Variants in DDO observed in about 807,000 individuals in gnomAD.
DDO encodes the protein D-aspartate oxidase.
DDO carries 16 observed loss-of-function variants against 16.8 expected under a neutral mutation model. That is an observed-to-expected ratio of 0.95 (90% confidence interval 0.65 to 1.45). DDO has a LOEUF of 1.45. DDO is among the 40% of genes most tolerant of loss of function. The probability of loss-of-function intolerance (pLI) is 0.00; values close to 1 mark genes in which losing one functional copy is unlikely to be tolerated. For missense variants in DDO, 429 were observed against 420.3 expected, an observed-to-expected ratio of 1.02 and a Z score of -0.18; for synonymous variants, 180 against 167.2, an observed-to-expected ratio of 1.08 and a Z score of -0.59.
intron 4 of DDO, among the ~76,000 whole-genome samples, chr6:110,404,538 G>A (rs930216642): frequency 2.0e-5 from 3 of 152,128 alleles, no homozygotes; most frequent in Admixed American, 6.5e-5. Context: ...GTCAGGCATC[G>A]AAGTGCACAC....
Position 110,413,412 on chromosome 6 carries a change from G to A in DDO, c.51C>T (p.Ser17=). 2 of 1,614,020 alleles carry A rather than the reference G, an allele frequency of 1.2e-6. No homozygotes were observed. Among genetic ancestry groups the A allele is most frequent in the South Asian group, 1.1e-5 (1 of 91,066 alleles). The part of the protein sequence containing the change: ...AVVGAGVVGL[S]TAVCISKLVP... ...CCAGTTTGGAGATGCACACAGCCGT[G>A]GAGAGCCCCACCACACCTGCCCCGA... is the stretch of plus-strand genomic sequence containing the variant. The change falls in exon 2 of 5, where the codon TCC becomes TCT. Residue 17 remains serine, a synonymous_variant. Coordinates refer to ENST00000368924, the MANE Select transcript of DDO (RefSeq NM_001372108.2).
chr6:110,393,351 G>C lies in DDO; in HGVS notation c.459-9C>G. 1 of 1,577,024 alleles carries C rather than the reference G, an allele frequency of 6.3e-7. No individual in the cohort carries two copies. The highest frequency in any genetic ancestry group is 8.6e-7 in the Non-Finnish European group (1 of 1,159,764). ...CTCCACTTCCCTTTATCCTACGGAA[G>C]AGAGGCCATGAAGTGAATATTTGTT... On this transcript the variant is annotated splice_polypyrimidine_tract_variant and intron_variant, in intron 4 of 4. Transcript: ENST00000368924.
rs919780307 is a variant in DDO, at chr6:110,415,363, C to G, written c.-5+104G>C. On this transcript the variant is annotated intron_variant, in intron 1 of 4. Coordinates refer to ENST00000368924, the MANE Select transcript of DDO (RefSeq NM_001372108.2). ...GCGAGCAATGTGGTGTGTCCTGGCA[C>G]AGTGGCCTGTCCATCACTGTCCCCT... 4.0e-5 allele frequency: 59 copies of G among 1,480,642 alleles called. No homozygotes were observed. The African/African-American group carries it at 7.7e-4, about 19-fold the overall frequency. 91.7% of individuals were successfully genotyped at this position (1,480,642 alleles called of 1,614,324 possible).
intron 4 of DDO, among the ~76,000 whole-genome samples, chr6:110,403,850 C>G (rs1456452782): frequency 6.6e-6 from 1 of 152,178 alleles, no homozygotes; most frequent in Non-Finnish European, 1.5e-5. Flanking sequence ...CATATTTTAT[C>G]CTTCTTTTTT....
At position 110,393,078 on chromosome 6, in the gene DDO, G is replaced by A; in HGVS notation, c.723C>T (p.Asp241=). 6.2e-7 allele frequency: 1 copy of A among 1,613,604 alleles called. No individual in the cohort carries two copies. The highest frequency in any genetic ancestry group is 1.1e-5 in the South Asian group (1 of 91,090). Reference sequence around the variant, plus strand: ...TTTCTGCATCCGGGGACAGATTCCAGTCCCCTTTTTGCCTAGTTCCACCTA... The same window carrying A: ...TTTCTGCATCCGGGGACAGATTCCAATCCCCTTTTTGCCTAGTTCCACCTA... ...VTLGGTRQKG[D]WNLSPDAENS... is the part of the protein sequence containing the mutation. The change falls in exon 5 of 5, where the codon GAC becomes GAT. Residue 241 remains aspartate, a synonymous_variant. Coordinates refer to ENST00000368924, the MANE Select transcript of DDO (RefSeq NM_001372108.2).
chr6:110,392,738 A>ACAGT lies in DDO; in HGVS notation c.*33_*36dup, dbSNP rs771485091. ...TTGAACCTGTTCTGTGCTTTGATCA[A>ACAGT]CAGTCTCTCAGTCTCTTTGCTGTCA... On this transcript the variant is annotated 3_prime_UTR_variant, in exon 5 of 5. Coordinates refer to ENST00000368924, the MANE Select transcript of DDO (RefSeq NM_001372108.2). 6.7e-7 allele frequency: 1 copy of ACAGT among 1,503,650 alleles called. No individual in the cohort carries two copies. Among genetic ancestry groups the ACAGT allele is most frequent in the African/African-American group, 1.4e-5 (1 of 71,750 alleles). The allele number at this position is 1,503,650 out of a possible 1,614,324, so 93.1% of individuals were successfully genotyped here.
chr6:110,393,357 C>G lies in DDO; in HGVS notation c.459-15G>C, dbSNP rs1474809770. ...TTCCCTTTATCCTACGGAAGAGAGG[C>G]CATGAAGTGAATATTTGTTAGCGAC... On this transcript the variant is annotated splice_polypyrimidine_tract_variant and intron_variant, in intron 4 of 4. Transcript: ENST00000368924. 1 of 1,558,978 alleles carries G rather than the reference C, an allele frequency of 6.4e-7. No homozygotes were observed.
intron 4 of DDO, among the ~76,000 whole-genome samples, chr6:110,403,917 T>G (rs1221788799): frequency 6.6e-6 from 1 of 152,236 alleles, no homozygotes; most frequent in African/African-American, 2.4e-5. Flanking sequence ...GTTGTGTAAT[T>G]AATGAATTAT....
chr6:110,398,421 C>CACAA (rs1554220451), intron 4 of DDO, among the ~76,000 whole-genome samples: 14,479 of 138,514 alleles, frequency 0.1, 766 homozygotes, highest in Middle Eastern at 0.17. Context: ...CACACACACA[C>CACAA]ACACACTTGG....
rs1394937396 is a variant in DDO at position 110,392,933 on chromosome 6, G to A, written c.868C>T (p.Leu290Phe). ...AGCCTCTGTCCATCTCGCGCAAGGA[G>A]CTCTGTCTGCAGTCGCACGCCTGGC... ...YRPGVRLQTE[L>F]LARDGQRLPV... The change falls in exon 5 of 5, where the codon CTC becomes TTC. Residue 290 changes from leucine to phenylalanine, a missense_variant. Transcript: ENST00000368924. 1.2e-6 allele frequency: 2 copies of A among 1,614,110 alleles called. No homozygotes were observed. Among genetic ancestry groups the A allele is most frequent in the Admixed American group, 1.7e-5 (1 of 60,008 alleles).
chr6:110,401,093 T>C lies in DDO; in HGVS notation c.458+3681A>G, dbSNP rs905307736. On this transcript the variant is annotated intron_variant, in intron 4 of 4. Coordinates refer to ENST00000368924, the MANE Select transcript of DDO (RefSeq NM_001372108.2). Reference sequence around the variant, plus strand: ...CAAGGACAACTGTCTTCAGGGAAGATATGGATAGAGCGAGGGTGCTTCCCG... The same window carrying C: ...CAAGGACAACTGTCTTCAGGGAAGACATGGATAGAGCGAGGGTGCTTCCCG... Among the ~76,000 whole-genome samples the C allele has an allele frequency of 2.6e-5, 4 of 152,220 alleles. No homozygotes were observed. The East Asian group carries it at 5.8e-4, about 22-fold the overall frequency.
chr6:110,389,915 G>C (rs549576249), downstream of DDO, among the ~76,000 whole-genome samples: 284 of 152,342 alleles, frequency 1.9e-3, no homozygotes, highest in African/African-American at 6.6e-3. Context: ...TTCCTGGGCA[G>C]GTTGCTGCAG....
chr6:110,397,245 A>T (rs184334862), intron 4 of DDO, among the ~76,000 whole-genome samples: 3 of 152,358 alleles, frequency 2.0e-5, no homozygotes, highest in African/African-American at 7.2e-5. Flanking sequence ...GGGGTTTTTC[A>T]TGCTACTGTA....
Position 110,413,476 on chromosome 6 carries a change from G to T in DDO, c.-4-10C>A. On this transcript the variant is annotated splice_polypyrimidine_tract_variant and intron_variant, in intron 1 of 4. Coordinates refer to ENST00000368924, the MANE Select transcript of DDO (RefSeq NM_001372108.2). ...TGCTGTGTCCATGAGCCTGTGAGGA[G>T]GGAAATGGGAGCTATACCCCTTGTT... 1 of 1,611,296 alleles carries T rather than the reference G, an allele frequency of 6.2e-7. No individual in the cohort carries two copies. The highest frequency in any genetic ancestry group is 8.5e-7 in the Non-Finnish European group (1 of 1,178,972).
intron 3 of DDO, among the ~76,000 whole-genome samples, chr6:110,407,501 T>C (rs557548829): frequency 3.2e-4 from 49 of 152,210 alleles, no homozygotes; most frequent in African/African-American, 9.4e-4. Flanking sequence ...AAAACCCCAG[T>C]GGGCAGCCTG....
downstream of DDO, among the ~76,000 whole-genome samples, chr6:110,390,821 A>G (rs1419323759): frequency 6.6e-6 from 1 of 152,228 alleles, no homozygotes; most frequent in Non-Finnish European, 1.5e-5. Context: ...CAGATTATGT[A>G]TGATGCATAT....
intron 1 of DDO, among the ~76,000 whole-genome samples, chr6:110,415,221 C>G (rs1022469860): frequency 3.3e-5 from 5 of 152,336 alleles, no homozygotes; most frequent in Admixed American, 6.5e-5. Flanking sequence ...ATTGACTTCG[C>G]TGTTTCACAT....
Position 110,393,249 on chromosome 6 carries a change from G to A in DDO, c.552C>T (p.Gly184=), listed in dbSNP as rs149450551. Residue 184 remains glycine, a synonymous_variant, in exon 5 of 5, where the codon GGC becomes GGT. Transcript: ENST00000368924. ...PSFDIVVNCS[G]LGSRQLAGDS... ...CTCCTGCAAGCTGTCTGCTTCCAAGGCCTGAACAGTTGACCACGATGTCAA... is the reference window on the plus strand; with the variant it reads ...CTCCTGCAAGCTGTCTGCTTCCAAGACCTGAACAGTTGACCACGATGTCAA... 165 of 1,614,064 alleles carry A rather than the reference G, an allele frequency of 1.0e-4. No individual in the cohort carries two copies. The highest frequency in any genetic ancestry group is 1.2e-4 in the Non-Finnish European group (140 of 1,180,038).
chr6:110,409,230 C>CA (rs2114837416), intron 2 of DDO, among the ~76,000 whole-genome samples: 1 of 152,334 alleles, frequency 6.6e-6, no homozygotes, highest in South Asian at 2.1e-4. Context: ...GTTTAAGCCT[C>CA]AAAATAAGTG....
Sources: gnomAD v4.1 joint callset for allele counts (sites outside exome capture counted in the v4.1 genomes callset) on GRCh38, gnomAD v4.1.1 for gene constraint, MANE v1.5 for transcripts, NCBI Gene and HGNC (gene_info 2026-07-23, HGNC 2026-07-21) for gene names.